Variants in SAXO1 observed in about 807,000 individuals in gnomAD.
SAXO1 encodes stabilizer of axonemal microtubules 1.
Under a neutral mutation model 17.5 loss-of-function variants are expected in SAXO1, and 21 were observed. That is an observed-to-expected ratio of 1.20 (90% CI 0.85 to 1.72). The LOEUF is 1.72. Ranked by LOEUF, SAXO1 falls within the 40% of genes most tolerant of loss-of-function variation. The pLI is 0.00. For synonymous variants in SAXO1, 274 were observed against 216.5 expected, an observed-to-expected ratio of 1.27 and a Z score of -2.33; for missense variants, 843 against 596.0, an observed-to-expected ratio of 1.41 and a Z score of -4.32.
intron 1 of SAXO1, among the ~76,000 whole-genome samples, chr9:19,039,015 C>A (rs1277561330): frequency 6.6e-6 from 1 of 151,974 alleles, no homozygotes; most frequent in African/African-American, 2.4e-5. Flanking sequence ...TTATAACTCA[C>A]CCAACCCCAA....
chr9:19,034,275 G>T (rs947256147), upstream of SAXO1, among the ~76,000 whole-genome samples: 16 of 151,918 alleles, frequency 1.1e-4, no homozygotes, highest in Admixed American at 4.6e-4. Context: ...TTTTTGTGTG[G>T]GGGGGGTTAG....
intron 3 of SAXO1, among the ~76,000 whole-genome samples, chr9:18,932,261 C>A (rs1831086250): frequency 6.6e-6 from 1 of 152,174 alleles, no homozygotes; most frequent in African/African-American, 2.4e-5. Context: ...ATCCAACTGT[C>A]CCAGCACCAT....
intron 3 of SAXO1, among the ~76,000 whole-genome samples, chr9:18,930,183 A>G (rs1436797777): frequency 2.0e-5 from 3 of 152,208 alleles, no homozygotes; most frequent in African/African-American, 7.2e-5. Flanking sequence ...CAGAGGGAAG[A>G]TTTTCAGGAG....
chr9:18,961,668 C>T (rs893230038), intron 1 of SAXO1, among the ~76,000 whole-genome samples: 7 of 152,284 alleles, frequency 4.6e-5, no homozygotes, highest in African/African-American at 1.7e-4. Flanking sequence ...GACATGAACT[C>T]GTACTTTTTT....
chr9:19,030,938 T>C (rs1003142823), intron 1 of SAXO1, among the ~76,000 whole-genome samples: 29 of 152,056 alleles, frequency 1.9e-4, no homozygotes, highest in African/African-American at 6.5e-4. Flanking sequence ...GGAGAAACTA[T>C]TGGCTGAAAC....
At chr9:19,011,660 T>A (rs1834734538) in intron 1 of SAXO1, among the ~76,000 whole-genome samples, 1 of 152,198 alleles carries the variant, frequency 6.6e-6, no homozygotes, top group African/African-American at 2.4e-5. Context: ...TAATGGAATA[T>A]GGCTATGTTA....
At chr9:18,994,048 T>C (rs996861339) in intron 1 of SAXO1, among the ~76,000 whole-genome samples, 55 of 152,160 alleles carry the variant, frequency 3.6e-4, no homozygotes, top group Non-Finnish European at 7.8e-4. Flanking sequence ...TGGCCCAGAA[T>C]GAAAAAATTA....
chr9:18,940,471 A>G (rs1041473546), intron 3 of SAXO1, among the ~76,000 whole-genome samples: 1 of 152,234 alleles, frequency 6.6e-6, no homozygotes, highest in Non-Finnish European at 1.5e-5. Flanking sequence ...AACTAAGCAC[A>G]GGGTCCTCCA....
At position 18,928,828 on chromosome 9, in the gene SAXO1, C is replaced by G. The variant is rs772322282; in HGVS notation, c.649G>C (p.Glu217Gln). The G allele has an allele frequency of 1.9e-6, 3 of 1,613,992 alleles. No individual in the cohort carries two copies. The highest frequency in any genetic ancestry group is 2.5e-6 in the Non-Finnish European group (3 of 1,180,042). ...TCTGCTTCATGCACAAAGCGCTTCTCCACGGGGTGGGCCACATAGCTCATC... is the reference window on the plus strand; with the variant it reads ...TCTGCTTCATGCACAAAGCGCTTCTGCACGGGGTGGGCCACATAGCTCATC... ...YKMSYVAHPV[E>Q]KRFVHEAEKF... Residue 217 changes from glutamate (E) to glutamine (Q), a missense_variant, in exon 4 of 4, where the codon GAG becomes CAG. Coordinates refer to ENST00000380534, the MANE Select transcript of SAXO1 (RefSeq NM_153707.4).
At chr9:18,978,743 G>A (rs537922935) in intron 1 of SAXO1, among the ~76,000 whole-genome samples, 1 of 152,172 alleles carries the variant, frequency 6.6e-6, no homozygotes, top group African/African-American at 2.4e-5. Flanking sequence ...AACTTAGGAA[G>A]ATATTATCAA....
intron 1 of SAXO1, among the ~76,000 whole-genome samples, chr9:18,986,809 T>C (rs1220035482): frequency 6.6e-6 from 1 of 152,146 alleles, no homozygotes; most frequent in African/African-American, 2.4e-5. Flanking sequence ...TCAAAGACAT[T>C]GTTAGGTTGT....
At chr9:18,986,897 A>G (rs907600823) in intron 1 of SAXO1, among the ~76,000 whole-genome samples, 2 of 152,216 alleles carry the variant, frequency 1.3e-5, no homozygotes, top group African/African-American at 4.8e-5. Context: ...ATTTTCTGAC[A>G]AATGGAAGTA....
intron 1 of SAXO1, among the ~76,000 whole-genome samples, chr9:18,966,300 G>C (rs533971006): frequency 6.6e-6 from 1 of 152,146 alleles, no homozygotes; most frequent in Non-Finnish European, 1.5e-5. Flanking sequence ...TTCCAGGTTG[G>C]GGAAGTTCCC....
At chr9:18,978,752 A>C (rs1190358632) in intron 1 of SAXO1, among the ~76,000 whole-genome samples, 1 of 152,226 alleles carries the variant, frequency 6.6e-6, no homozygotes, top group Non-Finnish European at 1.5e-5. Flanking sequence ...AGATATTATC[A>C]ACAGTTTGCA....
upstream of SAXO1, among the ~76,000 whole-genome samples, chr9:19,035,651 G>C (rs1397771720): frequency 6.6e-6 from 1 of 152,204 alleles, no homozygotes; most frequent in Non-Finnish European, 1.5e-5. Context: ...TTGTTGAATG[G>C]CTTTGCCCAA....
chr9:19,028,943 T>TA (rs1359803579), intron 1 of SAXO1, among the ~76,000 whole-genome samples: 4 of 152,214 alleles, frequency 2.6e-5, no homozygotes, highest in Non-Finnish European at 4.4e-5. Context: ...TAAATCTATT[T>TA]AAAAATAAAA....
chr9:19,027,698 G>C, intron 1 of SAXO1: 1 of 1,362,888 alleles, frequency 7.3e-7, no homozygotes, highest in South Asian at 1.2e-5. Flanking sequence ...TGATGAGCTG[G>C]ATGCCATAGG....
intron 1 of SAXO1, among the ~76,000 whole-genome samples, chr9:19,005,286 T>C (rs987967800): frequency 7.2e-5 from 11 of 151,978 alleles, no homozygotes; most frequent in Non-Finnish European, 1.5e-4. Context: ...CTGAAGTTCA[T>C]ATTGAATCTC....
chr9:18,929,397 G>A (rs900844172), intron 3 of SAXO1, among the ~76,000 whole-genome samples: 1 of 152,190 alleles, frequency 6.6e-6, no homozygotes, highest in African/African-American at 2.4e-5. Flanking sequence ...TTTCTTCTGT[G>A]GAGAAGGTAC....
Sources: allele counts gnomAD v4.1 joint callset (sites outside exome capture counted in the v4.1 genomes callset), GRCh38; gene constraint gnomAD v4.1.1; transcripts MANE v1.5; gene names NCBI Gene and HGNC (gene_info 2026-07-23, HGNC 2026-07-21).